ERBIN: variants seen among roughly 807,000 people sequenced by gnomAD.
The protein encoded by ERBIN is densin-180-like protein.
Under a neutral mutation model 158.4 loss-of-function variants are expected in ERBIN, and 60 were observed. That is an observed-to-expected ratio of 0.38 (90% CI 0.31 to 0.47). The LOEUF is 0.47. Ranked by LOEUF, ERBIN falls within the 20% of genes least tolerant of loss-of-function variation. The pLI is 0.99. For synonymous variants in ERBIN, 594 were observed against 557.2 expected (o/e 1.07, Z -0.93); for missense variants, 1,610 against 1,648.0 (o/e 0.98, Z 0.40).
In ERBIN at chr5:65,988,667, T is replaced by G. The variant is rs190851663; in HGVS notation, c.-25T>G. On this transcript the variant is annotated 5_prime_UTR_variant, in exon 2 of 26. Transcript: ENST00000284037. ...GCTCAATTAAGAAACATCAGGGAGA[T>G]AAATTCAACCCAGTGGTAAGTAACT... is the stretch of plus-strand genomic sequence containing the variant. The G allele has an allele frequency of 1.4e-4, 21 of 152,280 alleles. No homozygotes were observed. Among genetic ancestry groups the G allele is most frequent in the Admixed American group, 9.2e-4 (14 of 15,300 alleles). 9.4% of individuals were successfully genotyped at this position (152,280 alleles called of 1,614,324 possible).
chr5:65,932,526 C>T (rs575951605), intron 1 of ERBIN, among the ~76,000 whole-genome samples: 1 of 152,214 alleles, frequency 6.6e-6, no homozygotes, highest in South Asian at 2.1e-4. Context: ...CAGTTTTGAC[C>T]TGGAAGGTTC....
intron 1 of ERBIN, among the ~76,000 whole-genome samples, chr5:65,928,032 A>C (rs976492766): frequency 2.0e-5 from 3 of 152,188 alleles, no homozygotes; most frequent in African/African-American, 7.2e-5. Context: ...TAGATTGCCT[A>C]TGCTGTCTCA....
At chr5:65,983,192 A>C (rs755856471) in intron 1 of ERBIN, among the ~76,000 whole-genome samples, 6 of 152,208 alleles carry the variant, frequency 3.9e-5, no homozygotes, top group Non-Finnish European at 7.3e-5. Context: ...TTCATATTGA[A>C]ATAATACCCA....
intron 9 of ERBIN, among the ~76,000 whole-genome samples, chr5:66,023,701 AGTCTCGC>A (rs1289715281): frequency 7.0e-6 from 1 of 142,648 alleles, no homozygotes. Flanking sequence ...TTTGAGACAG[AGTCTCGC>A]TCTGTTGCCC....
chr5:65,997,280 G>A (rs941524451), intron 4 of ERBIN, among the ~76,000 whole-genome samples: 1 of 152,160 alleles, frequency 6.6e-6, no homozygotes, highest in Non-Finnish European at 1.5e-5. Context: ...GGTGCTTTCC[G>A]TCTATACCTG....
chr5:65,941,827 G>A lies in ERBIN; in HGVS notation c.-58+15021G>A, dbSNP rs184352600. 9.5e-3 allele frequency among the ~76,000 whole-genome samples: 1,446 copies of A among 151,902 alleles called. 10 individuals are homozygous for A. The highest frequency in any genetic ancestry group is 0.014 in the Non-Finnish European group (979 of 67,948). On this transcript the variant is annotated intron_variant, in intron 1 of 25. Coordinates refer to ENST00000284037, the MANE Select transcript of ERBIN (RefSeq NM_001253697.2). Reference sequence around the variant, plus strand: ...ACGATCTCTGCTCACTGCAAGCTCCGCCTCCCAGATTCACTCCATTCTCCT... The same window carrying A: ...ACGATCTCTGCTCACTGCAAGCTCCACCTCCCAGATTCACTCCATTCTCCT...
intron 21 of ERBIN, among the ~76,000 whole-genome samples, chr5:66,071,521 A>G (rs955854382): frequency 2.0e-5 from 3 of 152,204 alleles, no homozygotes; most frequent in Non-Finnish European, 4.4e-5. Flanking sequence ...GCATTTCTCC[A>G]TATCAGTACT....
intron 1 of ERBIN, among the ~76,000 whole-genome samples, chr5:65,971,458 A>G (rs747401148): frequency 2.7e-4 from 41 of 152,188 alleles, no homozygotes; most frequent in Admixed American, 7.2e-4. Flanking sequence ...TATCAGCTCA[A>G]AAGCTTTGGT....
chr5:66,071,389 G>GAA (rs1044693920), intron 21 of ERBIN, among the ~76,000 whole-genome samples: 1 of 150,372 alleles, frequency 6.7e-6, no homozygotes, highest in African/African-American at 2.5e-5. Context: ...AAGAAAGAAA[G>GAA]AAATATTCAG....
At chr5:65,952,265 G>A (rs1746597917) in intron 1 of ERBIN, among the ~76,000 whole-genome samples, 1 of 152,048 alleles carries the variant, frequency 6.6e-6, no homozygotes, top group Middle Eastern at 3.4e-3. Context: ...ATTAATCTGG[G>A]GGAAAAAGCA....
chr5:66,035,908 AC>A (rs1281623922), intron 14 of ERBIN, among the ~76,000 whole-genome samples: 1 of 152,104 alleles, frequency 6.6e-6, no homozygotes, highest in African/African-American at 2.4e-5. Flanking sequence ...TGCCTGGGTG[AC>A]ATAACAAGAT....
Position 66,075,212 on chromosome 5 carries a change from T to G in ERBIN, c.3945T>G (p.His1315Gln), listed in dbSNP as rs1761877247. 6.2e-7 allele frequency: 1 copy of G among 1,614,040 alleles called. No individual in the cohort carries two copies. The highest frequency in any genetic ancestry group is 1.3e-5 in the African/African-American group (1 of 74,944). Residue 1315 changes from histidine (H) to glutamine (Q), a missense_variant, in exon 23 of 26, where the codon CAT becomes CAG. By Grantham distance (24) the His-to-Gln change is conservative. Around this residue, in one of 2 missense-constraint regions of ERBIN, gnomAD observed 1,014 missense variants for 936.1 expected, o/e 1.08. Transcript: ENST00000284037. ...CCCATTGTTCTCCTAGACAAGGCCA[T>G]GAACTGGCAAAACAAGAGGTAAGAA... ...TQPHCSPRQG[H>Q]ELAKQEIRVR...
At chr5:66,064,445 G>A (rs1330786536) in intron 21 of ERBIN, among the ~76,000 whole-genome samples, 1 of 152,162 alleles carries the variant, frequency 6.6e-6, no homozygotes, top group Non-Finnish European at 1.5e-5. Context: ...AGTCCTGTGT[G>A]ATATTTTTAT....
At chr5:66,064,664 A>T (rs1760804861) in intron 21 of ERBIN, among the ~76,000 whole-genome samples, 1 of 152,192 alleles carries the variant, frequency 6.6e-6, no homozygotes, top group Non-Finnish European at 1.5e-5. Flanking sequence ...GGATGAATTG[A>T]TAAGAAGTAG....
chr5:66,022,864 A>G (rs1755844930), intron 8 of ERBIN: 1 of 153,788 alleles, frequency 6.5e-6, no homozygotes, highest in Admixed American at 6.5e-5. Flanking sequence ...GAATGTCACC[A>G]GGGAACATTT....
intron 1 of ERBIN, among the ~76,000 whole-genome samples, chr5:65,930,105 G>GTTCTTAATTATATTTTGCCA (rs1743184342): frequency 1.3e-5 from 2 of 152,210 alleles, no homozygotes; most frequent in South Asian, 4.1e-4. Context: ...TCTGTGTTCA[G>GTTCTTAATTATATTTTGCCA]TTGGTCGTTC....
chr5:66,072,404 C>G lies in ERBIN; in HGVS notation c.3756+113C>G, dbSNP rs942875321. 4.8e-6 allele frequency: 5 copies of G among 1,049,660 alleles called. No homozygotes were observed. The East Asian group carries it at 1.4e-4, about 30-fold the overall frequency. 65.0% of individuals were successfully genotyped at this position (1,049,660 alleles called of 1,614,324 possible). A position where few individuals can be genotyped will look rare whatever the true frequency, so the allele number is the denominator to read the frequency against. On this transcript the variant is annotated intron_variant, in intron 22 of 25. Coordinates refer to ENST00000284037, the MANE Select transcript of ERBIN (RefSeq NM_001253697.2). Reference sequence around the variant, plus strand: ...AAAATACTTTTTTGAGGGCTTTCCCCCCTTTATTAGTAAGGATTTTTAAAA... The same window carrying G: ...AAAATACTTTTTTGAGGGCTTTCCCGCCTTTATTAGTAAGGATTTTTAAAA...
chr5:66,043,029 A>T (rs1758069550), intron 15 of ERBIN, 48 bp from the exon 16 acceptor site: 1 of 1,400,024 alleles, frequency 7.1e-7, no homozygotes, highest in African/African-American at 1.4e-5. Flanking sequence ...ATAGTTTTCC[A>T]TAATTACAGT....
intron 1 of ERBIN, among the ~76,000 whole-genome samples, chr5:65,947,825 GA>G (rs1337356794): frequency 2.0e-5 from 3 of 152,022 alleles, no homozygotes; most frequent in Non-Finnish European, 4.4e-5. Context: ...TGGCCAACAT[GA>G]CAAAACCCCA....
Sources: allele counts gnomAD v4.1 joint callset (sites outside exome capture counted in the v4.1 genomes callset), GRCh38; gene constraint gnomAD v4.1.1; regional missense constraint gnomAD v4.1.1; transcripts MANE v1.5; gene names NCBI Gene and HGNC (gene_info 2026-07-23, HGNC 2026-07-21).